Variants in CNTLN observed in about 807,000 individuals in gnomAD.
The protein encoded by CNTLN is centlein, also known as centlein, centrosomal protein.
A neutral mutation model predicts 180.0 loss-of-function variants in CNTLN; 212 were observed. That is an observed-to-expected ratio of 1.18 (90% CI 1.05 to 1.32). The LOEUF (loss-of-function observed/expected upper bound fraction) is 1.32. Ranked by LOEUF, CNTLN falls within the 40% of genes most tolerant of loss-of-function variation. CNTLN has a pLI of 0.00. For synonymous variants in CNTLN, 722 were observed against 563.1 expected (o/e 1.28, Z -3.99); for missense variants, 2,095 against 1,610.9 (o/e 1.30, Z -5.14).
intron 6 of CNTLN, among the ~76,000 whole-genome samples, chr9:17,295,779 A>G (rs188335479): frequency 2.6e-4 from 40 of 152,002 alleles, no homozygotes; most frequent in Middle Eastern, 3.4e-3. Flanking sequence ...CATCACTTGT[A>G]CTTTCCCGAG....
intron 18 of CNTLN, among the ~76,000 whole-genome samples, chr9:17,434,123 A>C (rs1200916251): frequency 1.3e-5 from 2 of 152,042 alleles, no homozygotes; most frequent in East Asian, 3.9e-4. Context: ...TGATAAGAGG[A>C]TTTGTGTCTT....
At chr9:17,377,518 G>A (rs904355630) in intron 13 of CNTLN, among the ~76,000 whole-genome samples, 1 of 152,194 alleles carries the variant, frequency 6.6e-6, no homozygotes, top group Non-Finnish European at 1.5e-5. Flanking sequence ...TGCAGCCTGG[G>A]CGCCACTTCA....
intron 2 of CNTLN, among the ~76,000 whole-genome samples, chr9:17,145,511 T>G (rs1325271364): frequency 6.6e-6 from 1 of 152,234 alleles, no homozygotes; most frequent in Non-Finnish European, 1.5e-5. Flanking sequence ...ATGATCCATT[T>G]AGGTCTGTTT....
intron 5 of CNTLN, among the ~76,000 whole-genome samples, chr9:17,257,115 A>G (rs1374778164): frequency 6.6e-6 from 1 of 151,690 alleles, no homozygotes; most frequent in Non-Finnish European, 1.5e-5. Context: ...TCCTAATGCT[A>G]TCCCTCCCCC....
chr9:17,495,212 G>A (rs1833388069), intron 25 of CNTLN, among the ~76,000 whole-genome samples: 1 of 151,572 alleles, frequency 6.6e-6, no homozygotes. Context: ...TTATTTTAGA[G>A]TGTACTCTTA....
chr9:17,149,250 C>T (rs1180395643), intron 2 of CNTLN, among the ~76,000 whole-genome samples: 1 of 152,124 alleles, frequency 6.6e-6, no homozygotes, highest in Non-Finnish European at 1.5e-5. Context: ...CAACTCTTTG[C>T]TATTGTGAAT....
chr9:17,214,703 A>T (rs1823604482), intron 2 of CNTLN, among the ~76,000 whole-genome samples: 1 of 152,170 alleles, frequency 6.6e-6, no homozygotes, highest in Admixed American at 6.6e-5. Context: ...AATTAGATGT[A>T]GATTTGGTCT....
intron 25 of CNTLN, among the ~76,000 whole-genome samples, chr9:17,493,946 GAGA>G (rs1295997719): frequency 1.3e-5 from 2 of 152,190 alleles, no homozygotes; most frequent in Non-Finnish European, 2.9e-5. Context: ...ACGTTAGCAT[GAGA>G]AGAAGTTAGC....
intron 18 of CNTLN, among the ~76,000 whole-genome samples, chr9:17,418,402 A>T (rs1416093250): frequency 6.6e-6 from 1 of 151,992 alleles, no homozygotes; most frequent in Admixed American, 6.6e-5. Context: ...TCTTTAGTTA[A>T]TACATTGGTA....
chr9:17,135,684 G>A (rs995515573), intron 1 of CNTLN, among the ~76,000 whole-genome samples: 1 of 152,162 alleles, frequency 6.6e-6, no homozygotes, highest in African/African-American at 2.4e-5. Flanking sequence ...TGGTCACTTG[G>A]ATACTCGCAG....
intron 2 of CNTLN, among the ~76,000 whole-genome samples, chr9:17,174,333 T>G (rs1820585090): frequency 1.3e-5 from 2 of 152,228 alleles, no homozygotes; most frequent in Admixed American, 6.5e-5. Flanking sequence ...ACCTAAGTTT[T>G]TATTTATCTG....
Position 17,416,114 on chromosome 9 carries a change from A to G in CNTLN, c.3039A>G (p.Lys1013=). 1 of 1,613,706 alleles carries G rather than the reference A, an allele frequency of 6.2e-7. No individual in the cohort carries two copies. Among genetic ancestry groups the G allele is most frequent in the Non-Finnish European group, 8.5e-7 (1 of 1,179,772 alleles). The part of the protein sequence containing the change: ...KTAELSVKEY[K]EVNEKLLHQQ... Reference sequence around the variant, plus strand: ...CAGAATTGTCTGTTAAAGAATATAAAGAAGTTAATGAAAAGCTCCTCCATC... The same window carrying G: ...CAGAATTGTCTGTTAAAGAATATAAGGAAGTTAATGAAAAGCTCCTCCATC... The change falls in exon 18 of 26, where the codon AAA becomes AAG. Residue 1013 remains lysine, a synonymous_variant. Transcript: ENST00000380647.
At chr9:17,388,419 A>G (rs574502048) in intron 14 of CNTLN, among the ~76,000 whole-genome samples, 166 bp downstream of exon 14, 4 of 152,270 alleles carry the variant, frequency 2.6e-5, no homozygotes, top group Non-Finnish European at 4.4e-5. Flanking sequence ...AAAAAAATCA[A>G]TGTTAGTGAA....
In CNTLN at chr9:17,163,405, G is replaced by C. The variant is rs190111655; in HGVS notation, c.449+20029G>C. Among the ~76,000 whole-genome samples the C allele has an allele frequency of 3.9e-3, 589 of 152,292 alleles. 2 individuals are homozygous for C. Among genetic ancestry groups the C allele is most frequent in the Non-Finnish European group, 6.7e-3 (453 of 68,018 alleles). The stretch of plus-strand genomic sequence containing the variant: ...GAAATAAGAGTATAACAAAGTACAA[G>C]TTGATACTGTGTTTTTGTGATTCAT... On this transcript the variant is annotated intron_variant, in intron 2 of 25. Transcript: ENST00000380647.
intron 8 of CNTLN, among the ~76,000 whole-genome samples, chr9:17,318,251 G>C (rs1044419280): frequency 2.0e-5 from 3 of 151,858 alleles, no homozygotes; most frequent in Non-Finnish European, 4.4e-5. Context: ...AGATGGTCTC[G>C]GTTTCCTGAC....
chr9:17,258,017 A>G (rs1826643917), intron 5 of CNTLN, among the ~76,000 whole-genome samples: 3 of 150,818 alleles, frequency 2.0e-5, no homozygotes, highest in Admixed American at 2.0e-4. Flanking sequence ...TTTTGTTGCC[A>G]TTGCTTTTGT....
chr9:17,315,628 A>G (rs965889337), intron 8 of CNTLN, among the ~76,000 whole-genome samples: 2 of 151,818 alleles, frequency 1.3e-5, no homozygotes, highest in African/African-American at 4.8e-5. Flanking sequence ...AGACCTTTTC[A>G]CTGTATTCCA....
intron 23 of CNTLN, among the ~76,000 whole-genome samples, chr9:17,477,978 T>C (rs1832442688): frequency 6.6e-6 from 1 of 152,220 alleles, no homozygotes; most frequent in African/African-American, 2.4e-5. Context: ...CACTGTTGTC[T>C]TAAAGAAATT....
At chr9:17,270,766 A>AT (rs947497138) in intron 5 of CNTLN, among the ~76,000 whole-genome samples, 9 of 152,034 alleles carry the variant, frequency 5.9e-5, no homozygotes, top group Admixed American at 5.9e-4. Context: ...ATGTGTTGAT[A>AT]TTTGTAACAT....
Sources: allele counts gnomAD v4.1 joint callset (sites outside exome capture counted in the v4.1 genomes callset), GRCh38; gene constraint gnomAD v4.1.1; transcripts MANE v1.5; gene names NCBI Gene and HGNC (gene_info 2026-07-23, HGNC 2026-07-21).